The following SASH1 variants were observed in gnomAD, a reference collection of about 807,000 sequenced individuals.
SASH1 encodes SAM and SH3 domain containing 1.
In SASH1, 44 loss-of-function variants were observed where a neutral mutation model predicts 125.2. The observed-to-expected ratio is 0.35, with a 90% CI of 0.28 to 0.45. The LOEUF (loss-of-function observed/expected upper bound fraction) is 0.45. Ranked by LOEUF, SASH1 falls within the 20% of genes least tolerant of loss-of-function variation. SASH1 has a pLI of 1.00. For missense variants in SASH1, 1,426 were observed against 1,614.5 expected (o/e 0.88, Z 2.00); for synonymous variants, 639 against 649.1 (o/e 0.98, Z 0.24).
At chr6:148,209,236 G>A in the SASH1 span, among the ~76,000 whole-genome samples, 2 of 152,228 alleles carry the variant, frequency 1.3e-5, no homozygotes, top group African/African-American at 4.8e-5. Flanking sequence ...TTGTCTGGCA[G>A]CTATTCCGTA....
At chr6:148,482,706 T>TTTTTTTTTTTTTGG (rs1778681819) in intron 7 of SASH1, among the ~76,000 whole-genome samples, 1 of 144,316 alleles carries the variant, frequency 6.9e-6, no homozygotes. Context: ...TTTTTTTTTT[T>TTTTTTTTTTTTTGG]GAGAGAGAGT....
At position 148,305,412 on chromosome 6, in the gene SASH1, C is replaced by T. The variant is rs566530862; in HGVS notation, n.74+33035C>T. On this transcript the variant is annotated intron_variant and non_coding_transcript_variant, in intron 1 of 3. Coordinates refer to the SASH1 transcript ENST00000367469. ...CATGAGGTCAGGAGTTCGAGATCACCCTGGCCAAGAGACCAGCCTGGTCAA... is the reference window on the plus strand; with the variant it reads ...CATGAGGTCAGGAGTTCGAGATCACTCTGGCCAAGAGACCAGCCTGGTCAA... 3.3e-3 allele frequency among the ~76,000 whole-genome samples: 501 copies of T among 152,162 alleles called. 4 individuals carry two copies. The highest frequency in any genetic ancestry group is 5.5e-3 in the Non-Finnish European group (376 of 68,002).
At chr6:148,253,252 T>C in the SASH1 span, among the ~76,000 whole-genome samples, 1 of 152,104 alleles carries the variant, frequency 6.6e-6, no homozygotes, top group African/African-American at 2.4e-5. Flanking sequence ...AAATTGAGAG[T>C]CCATAAATAA....
chr6:148,349,655 C>T (rs1244449315), intron 1 of SASH1, among the ~76,000 whole-genome samples: 1 of 152,038 alleles, frequency 6.6e-6, no homozygotes, highest in Non-Finnish European at 1.5e-5. Flanking sequence ...ATAGTGAGAG[C>T]CCCAACCAGA....
At position 148,549,361 on chromosome 6, in the gene SASH1, T is replaced by C. The variant is rs1345329571; in HGVS notation, c.*803T>C. On this transcript the variant is annotated 3_prime_UTR_variant, in exon 20 of 20. Transcript: ENST00000367467. ...GTTGGTTTTTGGTTTTTAAGCTAACTACAAATCTAGTAAAAAGCTATCTGA... is the reference window on the plus strand; with the variant it reads ...GTTGGTTTTTGGTTTTTAAGCTAACCACAAATCTAGTAAAAAGCTATCTGA... 1.1e-5 allele frequency: 4 copies of C among 357,616 alleles called. No homozygotes were observed. The highest frequency in any genetic ancestry group is 2.1e-5 in the African/African-American group (1 of 47,856). The allele number at this position is 357,616 out of a possible 1,614,324, so 22.2% of individuals were successfully genotyped here.
In SASH1 at chr6:148,550,014, T is replaced by C. The variant is rs1482527569; in HGVS notation, c.*1456T>C. On this transcript the variant is annotated 3_prime_UTR_variant, in exon 20 of 20. Transcript: ENST00000367467. ...TAGTAGAGACAGGGTTTCACCATGT[T>C]GGCCAGGCTGGTCTCAAACTCAACT... 6.5e-6 allele frequency: 1 copy of C among 152,770 alleles called. No homozygotes were observed. The highest frequency in any genetic ancestry group is 1.9e-4 in the East Asian group (1 of 5,240). 9.5% of individuals were successfully genotyped at this position (152,770 alleles called of 1,614,324 possible).
Position 148,474,861 on chromosome 6 carries a change from C to T in SASH1, c.627+639C>T, listed in dbSNP as rs536344673. Among the ~76,000 whole-genome samples the T allele has an allele frequency of 1.1e-3, 161 of 152,282 alleles. No individual in the cohort carries two copies. In the Middle Eastern group the frequency reaches 0.02, roughly 19 times the overall value. ...TGTTGGAATTACAGGCATAAGCAAG[C>T]GCACCTGGCCTATAAATATCGGTTC... is the stretch of plus-strand genomic sequence containing the variant. On this transcript the variant is annotated intron_variant, in intron 7 of 19. Coordinates refer to ENST00000367467, the MANE Select transcript of SASH1 (RefSeq NM_015278.5).
chr6:148,534,333 A>G (rs1781709369), intron 15 of SASH1, among the ~76,000 whole-genome samples: 2 of 152,160 alleles, frequency 1.3e-5, no homozygotes, highest in African/African-American at 4.8e-5. Context: ...CCAGGCATCT[A>G]CTAGCATGAG....
intron 15 of SASH1, 97 bp downstream of exon 15, chr6:148,534,077 C>A: frequency 9.5e-7 from 1 of 1,055,064 alleles, no homozygotes; most frequent in Non-Finnish European, 1.4e-6. Flanking sequence ...AGGGTTGGGG[C>A]TGATCTGTGT....
At chr6:148,228,651 C>T in the SASH1 span, among the ~76,000 whole-genome samples, 2 of 152,190 alleles carry the variant, frequency 1.3e-5, no homozygotes, top group Admixed American at 6.5e-5. Flanking sequence ...TTAGCTGGAG[C>T]CATTACCAAG....
At chr6:148,212,884 C>G in the SASH1 span, among the ~76,000 whole-genome samples, 1 of 152,108 alleles carries the variant, frequency 6.6e-6, no homozygotes, top group Admixed American at 6.5e-5. Context: ...GGCTTGAACC[C>G]AGTTTCTGTG....
intron 1 of SASH1, among the ~76,000 whole-genome samples, chr6:148,275,549 C>A (rs1304795135): frequency 6.6e-6 from 1 of 152,172 alleles, no homozygotes; most frequent in Non-Finnish European, 1.5e-5. Flanking sequence ...GCCACAAACC[C>A]CTCTAAGAAA....
At position 148,532,848 on chromosome 6, in the gene SASH1, TCAA is replaced by T; in HGVS notation, c.1617_1619del (p.Lys540del). 6.2e-7 allele frequency: 1 copy of T among 1,614,124 alleles called. No homozygotes were observed. Among genetic ancestry groups the T allele is most frequent in the Non-Finnish European group, 8.5e-7 (1 of 1,180,030 alleles). On this transcript the variant is annotated inframe_deletion, in exon 14 of 20. Transcript: ENST00000367467. This position sits in a 1 kb window ranked among gnomAD's most constrained non-coding sequence, Gnocchi z 4.7. ...TCCTCAACCAGCAACCGGGAAAGCG[TCAA>T]GTCGGAAGATGGGGATGACGAAGAG...
Position 148,495,716 on chromosome 6 carries a change from G to C in SASH1, c.729+8001G>C, listed in dbSNP as rs1315887093. ...CTTGGATGGCAGTGAATATTGATTA[G>C]ATGCATAAATTATGTGAAGAGTGAC... On this transcript the variant is annotated intron_variant, in intron 8 of 19. Coordinates refer to ENST00000367467, the MANE Select transcript of SASH1 (RefSeq NM_015278.5). The surrounding 1 kb of genome is among the most constrained non-coding windows in gnomAD (Gnocchi z 4.0). 6.6e-6 allele frequency among the ~76,000 whole-genome samples: 1 copy of C among 152,218 alleles called. No individual in the cohort carries two copies. The highest frequency in any genetic ancestry group is 1.9e-4 in the East Asian group (1 of 5,198).
intron 11 of SASH1, 51 bp from the exon 12 acceptor site, chr6:148,527,402 C>T: frequency 1.9e-5 from 28 of 1,502,100 alleles, no homozygotes; most frequent in Non-Finnish European, 2.5e-5. Flanking sequence ...ATAATAAAAC[C>T]TGTTCTTCAT....
the SASH1 span, among the ~76,000 whole-genome samples, chr6:148,257,250 A>AG: frequency 6.6e-6 from 1 of 152,180 alleles, no homozygotes; most frequent in Non-Finnish European, 1.5e-5. Context: ...GAGGAATCCC[A>AG]GGTAGAAGGG....
At chr6:148,315,968 C>T (rs758295126) in intron 1 of SASH1, among the ~76,000 whole-genome samples, 1 of 152,242 alleles carries the variant, frequency 6.6e-6, no homozygotes, top group Non-Finnish European at 1.5e-5. Flanking sequence ...TTCAACCTTC[C>T]TAAATCCCTG....
the SASH1 span, among the ~76,000 whole-genome samples, chr6:148,207,345 A>C: frequency 2.0e-5 from 3 of 152,216 alleles, no homozygotes; most frequent in Non-Finnish European, 4.4e-5. Flanking sequence ...TAAACTCTAT[A>C]GACTCATGTG....
chr6:148,309,172 A>G (rs966502315), intron 1 of SASH1, among the ~76,000 whole-genome samples: 1 of 151,810 alleles, frequency 6.6e-6, no homozygotes, highest in Non-Finnish European at 1.5e-5. Flanking sequence ...CTGGGGGGAA[A>G]AAAGAGTACA....
Sources: allele counts gnomAD v4.1 joint callset (sites outside exome capture counted in the v4.1 genomes callset), GRCh38; gene constraint gnomAD v4.1.1; non-coding constraint Gnocchi (gnomAD v3.1); transcripts MANE v1.5; gene names NCBI Gene and HGNC (gene_info 2026-07-23, HGNC 2026-07-21).